CMIP: variants seen among roughly 807,000 people sequenced by gnomAD.
CMIP encodes c-Maf inducing protein.
Under a neutral mutation model 97.3 loss-of-function variants are expected in CMIP, and 13 were observed. The observed-to-expected ratio is 0.13, with a 90% CI of 0.09 to 0.21. The LOEUF (loss-of-function observed/expected upper bound fraction) is 0.21, where lower values mean the gene tolerates loss of function less well. CMIP is among the 10% of genes least tolerant of loss of function. The pLI is 1.00. For synonymous variants in CMIP, 538 were observed against 436.3 expected (o/e 1.23, Z -2.91); for missense variants, 847 against 1,024.9 (o/e 0.83, Z 2.37).
chr16:81,531,857 G>A (rs2090242422), intron 1 of CMIP, among the ~76,000 whole-genome samples: 1 of 152,214 alleles, frequency 6.6e-6, no homozygotes, highest in South Asian at 2.1e-4. Flanking sequence ...ACTAGTTGGG[G>A]CTAGTTGTTG....
intron 10 of CMIP, among the ~76,000 whole-genome samples, chr16:81,681,280 T>G (rs562103231): frequency 2.0e-5 from 3 of 152,362 alleles, no homozygotes; most frequent in African/African-American, 7.2e-5. Flanking sequence ...CTTAAGTTGC[T>G]GGCTCATTGG....
chr16:81,652,630 T>C lies in CMIP; in HGVS notation c.639+266T>C, dbSNP rs886342426. Among the ~76,000 whole-genome samples, 24 of 152,098 alleles carry C rather than the reference T, an allele frequency of 1.6e-4. No individual in the cohort carries two copies. Among genetic ancestry groups the C allele is most frequent in the African/African-American group, 5.6e-4 (23 of 41,420 alleles). On this transcript the variant is annotated intron_variant, in intron 4 of 20. Transcript: ENST00000537098. This position sits in a 1 kb window ranked among gnomAD's most constrained non-coding sequence, Gnocchi z 5.2. ...CGTGCAGTGAGAGCCAGTAGTCCCA[T>C]CCCCATCTCTGTCTTCCCCTAGCAG...
intron 1 of CMIP, among the ~76,000 whole-genome samples, chr16:81,474,261 T>G (rs1298001638): frequency 1.3e-5 from 2 of 152,086 alleles, no homozygotes; most frequent in African/African-American, 4.8e-5. Context: ...TGCTGCTCCT[T>G]AAGTTGAGTT....
intron 1 of CMIP, chr16:81,520,660 G>A (rs985180175): frequency 2.0e-5 from 3 of 152,014 alleles, no homozygotes; most frequent in Non-Finnish European, 4.4e-5. Context: ...AATAAGTAGG[G>A]CCTGATTATT....
At chr16:81,669,569 A>C (rs2092658930) in intron 7 of CMIP, among the ~76,000 whole-genome samples, 1 of 107,716 alleles carries the variant, frequency 9.3e-6, no homozygotes, top group Admixed American at 1.0e-4. Flanking sequence ...ACTTCCTTCC[A>C]CACCCACCTC....
chr16:81,667,609 C>A (rs927970849), intron 7 of CMIP, among the ~76,000 whole-genome samples: 2 of 152,168 alleles, frequency 1.3e-5, no homozygotes, highest in African/African-American at 2.4e-5. Context: ...ATAAAACCCT[C>A]GTGGTGGAAG....
At chr16:81,465,176 A>T (rs989506574) in intron 1 of CMIP, among the ~76,000 whole-genome samples, 1 of 152,230 alleles carries the variant, frequency 6.6e-6, no homozygotes, top group African/African-American at 2.4e-5. Context: ...ACAGAAGAAA[A>T]CCAAATCCAC....
chr16:81,560,716 A>G (rs900534585), intron 1 of CMIP, among the ~76,000 whole-genome samples: 2 of 152,140 alleles, frequency 1.3e-5, no homozygotes, highest in Non-Finnish European at 2.9e-5. Flanking sequence ...CATTTATGCC[A>G]TATTTTCACT....
At chr16:81,515,822 G>C (rs72827196) in intron 1 of CMIP, among the ~76,000 whole-genome samples, 1 of 152,136 alleles carries the variant, frequency 6.6e-6, no homozygotes, top group Admixed American at 6.5e-5. Flanking sequence ...GATTCAACCC[G>C]TGGGAGGAGC....
chr16:81,679,218 T>A lies in CMIP; in HGVS notation c.1388+590T>A, dbSNP rs28461848. 3.1e-3 allele frequency among the ~76,000 whole-genome samples: 478 copies of A among 151,796 alleles called. 5 individuals are homozygous for A. Among genetic ancestry groups the A allele is most frequent in the African/African-American group, 0.011 (451 of 41,340 alleles). The stretch of plus-strand genomic sequence containing the variant: ...CGAGTGTGTGTGTTTATAGGAGAGA[T>A]GGGTGTGGGCATGCCTGTGGATTTC... On this transcript the variant is annotated intron_variant, in intron 10 of 20. Transcript: ENST00000537098.
intron 1 of CMIP, among the ~76,000 whole-genome samples, chr16:81,549,586 A>G (rs2090613813): frequency 6.6e-6 from 1 of 152,154 alleles, no homozygotes; most frequent in African/African-American, 2.4e-5. Flanking sequence ...CCTGAGTGAA[A>G]TGCCAGTGGT....
At chr16:81,661,748 G>A (rs1391967643) in intron 6 of CMIP, among the ~76,000 whole-genome samples, 2 of 151,768 alleles carry the variant, frequency 1.3e-5, no homozygotes, top group African/African-American at 2.4e-5. Flanking sequence ...GCCCCTTCCC[G>A]GCCCCCCACC....
Position 81,678,636 on chromosome 16 carries a change from C to G in CMIP, c.1388+8C>G. 2 of 1,315,152 alleles carry G rather than the reference C, an allele frequency of 1.5e-6. No homozygotes were observed. Among genetic ancestry groups the G allele is most frequent in the Admixed American group, 2.1e-5 (1 of 48,194 alleles). 81.5% of individuals were successfully genotyped at this position (1,315,152 alleles called of 1,614,324 possible). A position where few individuals can be genotyped will look rare whatever the true frequency, so the allele number is the denominator to read the frequency against. ...GGAAATCCTCAAGCTGCTGTGAGTGCCCCCCCCGCGTGCCCGCCCCCGGGG... is the reference window on the plus strand; with the variant it reads ...GGAAATCCTCAAGCTGCTGTGAGTGGCCCCCCCGCGTGCCCGCCCCCGGGG... On this transcript the variant is annotated splice_region_variant and intron_variant, in intron 10 of 20. Transcript: ENST00000537098.
intron 3 of CMIP, among the ~76,000 whole-genome samples, chr16:81,632,876 A>C (rs757422245): frequency 3.4e-5 from 5 of 148,082 alleles, no homozygotes; most frequent in Non-Finnish European, 6.0e-5. Context: ...AGACACCCCC[A>C]CCCCCACCTT....
intron 1 of CMIP, among the ~76,000 whole-genome samples, chr16:81,587,096 T>C (rs1316762756): frequency 6.6e-6 from 1 of 152,168 alleles, no homozygotes; most frequent in Non-Finnish European, 1.5e-5. Flanking sequence ...GATTCCCTAA[T>C]AGCAGTTAAC....
intron 2 of CMIP, among the ~76,000 whole-genome samples, chr16:81,615,648 T>C (rs1232288308): frequency 6.6e-6 from 1 of 150,520 alleles, no homozygotes; most frequent in African/African-American, 2.5e-5. Flanking sequence ...GTATGGTGTG[T>C]GTATGTGTGT....
intron 1 of CMIP, among the ~76,000 whole-genome samples, chr16:81,481,346 G>A (rs372068715): frequency 6.6e-6 from 1 of 152,060 alleles, no homozygotes. Flanking sequence ...GTACAGGTGA[G>A]GGCCTTGAGC....
chr16:81,446,356 G>T (rs1283150864), intron 1 of CMIP, among the ~76,000 whole-genome samples: 3 of 151,736 alleles, frequency 2.0e-5, no homozygotes, highest in Non-Finnish European at 2.9e-5. Flanking sequence ...AAAAACCATT[G>T]ATCTGTTTCT....
Position 81,704,051 on chromosome 16 carries a change from C to T in CMIP, c.2057C>T (p.Pro686Leu). 6.2e-7 allele frequency: 1 copy of T among 1,605,770 alleles called. No individual in the cohort carries two copies. Among genetic ancestry groups the T allele is most frequent in the Non-Finnish European group, 8.5e-7 (1 of 1,176,714 alleles). Residue 686 changes from proline to leucine, a missense_variant, in exon 18 of 21, where the codon CCT (proline) becomes CTT (leucine). Pro to Leu is a moderately conservative substitution (Grantham distance 98). This residue lies in a region of CMIP where 266 missense variants were observed against 384.2 expected (regional missense o/e 0.69). Transcript: ENST00000537098. Reference sequence around the variant, plus strand: ...TGCGCCGAGCACCTCATCAAACTGCCTTCGCTCAAGCAGCTGAACCTGTGG... The same window carrying T: ...TGCGCCGAGCACCTCATCAAACTGCTTTCGCTCAAGCAGCTGAACCTGTGG... ...SACAEHLIKL[P>L]SLKQLNLWST...
Sources: gnomAD v4.1 joint callset for allele counts (sites outside exome capture counted in the v4.1 genomes callset) on GRCh38, gnomAD v4.1.1 for gene constraint, gnomAD v4.1.1 regional missense constraint, Gnocchi (gnomAD v3.1) non-coding constraint, MANE v1.5 for transcripts, NCBI Gene and HGNC (gene_info 2026-07-23, HGNC 2026-07-21) for gene names.